UBE2G1: variants seen among roughly 807,000 people sequenced by gnomAD.
UBE2G1 encodes the protein ubiquitin conjugating enzyme E2 G1.
A neutral mutation model predicts 22.7 loss-of-function variants in UBE2G1; 5 were observed. The ratio of observed to expected loss-of-function variants is 0.22; its 90% confidence interval spans 0.12 to 0.46. The LOEUF (loss-of-function observed/expected upper bound fraction) is 0.46. Ranked by LOEUF, UBE2G1 falls within the 20% of genes least tolerant of loss-of-function variation. UBE2G1 has a pLI of 0.99. For missense variants in UBE2G1, 88 were observed against 203.9 expected (o/e 0.43, Z 3.46); for synonymous variants, 74 against 67.5 (o/e 1.10, Z -0.47).
intron 1 of UBE2G1, among the ~76,000 whole-genome samples, chr17:4,343,272 C>T (rs2143801187): frequency 6.6e-6 from 1 of 152,250 alleles, no homozygotes; most frequent in East Asian, 1.9e-4. Flanking sequence ...GATCCTATGG[C>T]TTAAAGGCTC....
intron 1 of UBE2G1, among the ~76,000 whole-genome samples, chr17:4,318,370 C>T (rs1313702489): frequency 6.6e-6 from 1 of 152,032 alleles, no homozygotes; most frequent in Admixed American, 6.6e-5. Context: ...CCAAACAAGG[C>T]CCCCGGTACC....
intron 5 of UBE2G1, among the ~76,000 whole-genome samples, chr17:4,276,665 C>T (rs1021158621): frequency 1.3e-5 from 2 of 151,904 alleles, no homozygotes; most frequent in African/African-American, 4.8e-5. Context: ...GGCAGGCAGG[C>T]AGCCTTCTAC....
At position 4,322,984 on chromosome 17, in the gene UBE2G1, T is replaced by C. The variant is rs115373065; in HGVS notation, c.47-15861A>G. Among the ~76,000 whole-genome samples the C allele has an allele frequency of 5.4e-3, 816 of 152,252 alleles. 2 individuals carry two copies. Among genetic ancestry groups the C allele is most frequent in the African/African-American group, 0.019 (783 of 41,558 alleles). On this transcript the variant is annotated intron_variant, in intron 1 of 5. Transcript: ENST00000396981. ...CAGTTGCAAAGCAAGCCCTGAATTG[T>C]TTGAGAGGTTTAAGAACAGTACATA...
chr17:4,352,989 C>T lies in UBE2G1; in HGVS notation c.46+13282G>A, dbSNP rs182710838. On this transcript the variant is annotated intron_variant, in intron 1 of 5. Coordinates refer to ENST00000396981, the MANE Select transcript of UBE2G1 (RefSeq NM_003342.5). ...ATCCCAGCACTTTAGGAGGGTGAGA[C>T]GGACGGATCACGAGGTCAGGAGATC... Among the ~76,000 whole-genome samples, 175 of 152,142 alleles carry T rather than the reference C, an allele frequency of 1.2e-3. 1 individual carries two copies. Among genetic ancestry groups the T allele is most frequent in the African/African-American group, 3.1e-3 (128 of 41,496 alleles).
At chr17:4,284,829 CTTTTCTTTCTTTTTTTTTTTTT>C (rs1968941071) in intron 4 of UBE2G1, among the ~76,000 whole-genome samples, 3 of 68,050 alleles carry the variant, frequency 4.4e-5, no homozygotes, top group Admixed American at 1.8e-4. Flanking sequence ...CTTTTCTTTT[CTTTTCTTTCTTTTTTTTTTTTT>C]TTTTTTTTTT....
Position 4,337,311 on chromosome 17 carries a change from A to C in UBE2G1, c.46+28960T>G, listed in dbSNP as rs1969658991. Reference sequence around the variant, plus strand: ...AGTCGTGTTCATGCCACTACACTCTAATCTGTGTAAAAAAAAAAAAAAGAA... The same window carrying C: ...AGTCGTGTTCATGCCACTACACTCTCATCTGTGTAAAAAAAAAAAAAAGAA... On this transcript the variant is annotated intron_variant, in intron 1 of 5. Coordinates refer to ENST00000396981, the MANE Select transcript of UBE2G1 (RefSeq NM_003342.5). 1.5e-5 allele frequency among the ~76,000 whole-genome samples: 2 copies of C among 136,430 alleles called. 1 individual carries two copies. The highest frequency in any genetic ancestry group is 4.6e-4 in the South Asian group (2 of 4,348). 89.5% of individuals were successfully genotyped at this position (136,430 alleles called of 152,430 possible).
At chr17:4,346,422 T>TTTCTTC (rs5818953) in intron 1 of UBE2G1, among the ~76,000 whole-genome samples, 1 of 140,102 alleles carries the variant, frequency 7.1e-6, no homozygotes, top group African/African-American at 2.8e-5. Flanking sequence ...CAGCTTACAT[T>TTTCTTC]TTCTTCTTCT....
At chr17:4,308,814 A>G (rs1969276496) in intron 1 of UBE2G1, among the ~76,000 whole-genome samples, 1 of 152,258 alleles carries the variant, frequency 6.6e-6, no homozygotes, top group South Asian at 2.1e-4. Flanking sequence ...GATGAAAGGC[A>G]GTATAATATA....
At chr17:4,363,733 A>G (rs1253181644) in intron 1 of UBE2G1, among the ~76,000 whole-genome samples, 1 of 151,964 alleles carries the variant, frequency 6.6e-6, no homozygotes, top group Non-Finnish European at 1.5e-5. Context: ...CGGGCGGATC[A>G]CGAGGTCAGG....
At chr17:4,360,198 T>C (rs897953897) in intron 1 of UBE2G1, among the ~76,000 whole-genome samples, 1 of 152,162 alleles carries the variant, frequency 6.6e-6, no homozygotes, top group Non-Finnish European at 1.5e-5. Context: ...AAGGTAACAT[T>C]AGACACACCC....
chr17:4,323,591 C>A (rs1008371035), intron 1 of UBE2G1, among the ~76,000 whole-genome samples: 1 of 152,198 alleles, frequency 6.6e-6, no homozygotes, highest in African/African-American at 2.4e-5. Context: ...ACAGCTTTGT[C>A]GCCCAGGCTG....
At chr17:4,329,652 T>G (rs1969547320) in intron 1 of UBE2G1, among the ~76,000 whole-genome samples, 1 of 152,048 alleles carries the variant, frequency 6.6e-6, no homozygotes, top group Non-Finnish European at 1.5e-5. Context: ...ATTTAAAATG[T>G]AAGACATTTT....
In UBE2G1 at chr17:4,289,290, A is replaced by G; in HGVS notation, c.366T>C (p.Ile122=). 6.2e-7 allele frequency: 1 copy of G among 1,600,950 alleles called. No individual in the cohort carries two copies. The highest frequency in any genetic ancestry group is 8.5e-7 in the Non-Finnish European group (1 of 1,174,076). ...LPIHTVETIM[I]SVISMLADPN... ...GGTCTGCCAGCATAGAAATGACACT[A>G]ATCATGATGGTTTCCACAGTGTGGA... The change falls in exon 4 of 6, where the codon ATT becomes ATC. Residue 122 remains isoleucine, a synonymous_variant. Coordinates refer to ENST00000396981, the MANE Select transcript of UBE2G1 (RefSeq NM_003342.5).
chr17:4,336,502 T>C (rs950965305), intron 1 of UBE2G1, among the ~76,000 whole-genome samples: 1 of 152,132 alleles, frequency 6.6e-6, no homozygotes, highest in African/African-American at 2.4e-5. Context: ...AAACTATATA[T>C]ACCAAAATTT....
chr17:4,293,512 GT>G (rs1229785831), intron 3 of UBE2G1, among the ~76,000 whole-genome samples: 1 of 152,192 alleles, frequency 6.6e-6, no homozygotes, highest in Non-Finnish European at 1.5e-5. Context: ...TTCTGGACAT[GT>G]GTTTCAGTTT....
chr17:4,315,974 A>G (rs1455606454), intron 1 of UBE2G1, among the ~76,000 whole-genome samples: 2 of 150,588 alleles, frequency 1.3e-5, no homozygotes, highest in Admixed American at 6.6e-5. Flanking sequence ...CGCCCGGCTA[A>G]TTTTTTATAT....
intron 5 of UBE2G1, among the ~76,000 whole-genome samples, chr17:4,274,274 T>G (rs1968795592): frequency 6.8e-6 from 1 of 147,430 alleles, no homozygotes; most frequent in South Asian, 2.2e-4. Flanking sequence ...CTCGGCTCAC[T>G]GCAAGCTCCA....
intron 1 of UBE2G1, among the ~76,000 whole-genome samples, chr17:4,335,742 C>T (rs944395449): frequency 2.6e-5 from 4 of 152,138 alleles, no homozygotes; most frequent in Admixed American, 6.5e-5. Context: ...TACAAAATAA[C>T]GAAGCACACA....
chr17:4,282,517 T>C (rs913595940), intron 5 of UBE2G1, among the ~76,000 whole-genome samples: 6 of 152,156 alleles, frequency 3.9e-5, no homozygotes, highest in Non-Finnish European at 8.8e-5. Context: ...GAAACTAAAC[T>C]GAAATAACAA....
Sources: allele counts gnomAD v4.1 joint callset (sites outside exome capture counted in the v4.1 genomes callset), GRCh38; gene constraint gnomAD v4.1.1; transcripts MANE v1.5; gene names NCBI Gene and HGNC (gene_info 2026-07-23, HGNC 2026-07-21).